The following DAB1 variants were observed in gnomAD, a reference collection of about 807,000 sequenced individuals.
DAB1 encodes DAB adaptor protein 1.
DAB1 carries 15 observed loss-of-function variants against 64.6 expected under a neutral mutation model. The ratio of observed to expected loss-of-function variants is 0.23; its 90% CI spans 0.16 to 0.36. The LOEUF is 0.36. Among genes scored for constraint, DAB1 ranks in the 10% least tolerant of loss-of-function variants. The pLI, the probability that DAB1 is intolerant of heterozygous loss-of-function variation, is 1.00. For missense variants in DAB1, 596 were observed against 706.7 expected (o/e 0.84, Z 1.78); for synonymous variants, 235 against 251.9 (o/e 0.93, Z 0.64).
intron 1 of DAB1, among the ~76,000 whole-genome samples, chr1:57,325,640 C>G (rs185677586): frequency 6.6e-6 from 1 of 152,138 alleles, no homozygotes; most frequent in Non-Finnish European, 1.5e-5. Context: ...CAGACTGTGT[C>G]TTTTTTATCA....
intron 7 of DAB1, among the ~76,000 whole-genome samples, chr1:57,482,477 T>TAAG (rs1491539780): frequency 1.6e-5 from 1 of 61,200 alleles, no homozygotes; most frequent in African/African-American, 5.4e-5. Context: ...CTGAAAGTTG[T>TAAG]AAAAAAAAAA....
intron 2 of DAB1, among the ~76,000 whole-genome samples, chr1:58,517,900 T>C (rs761115785): frequency 2.6e-4 from 40 of 151,444 alleles, no homozygotes; most frequent in Non-Finnish European, 4.3e-4. Context: ...AGAAAGTGAG[T>C]ATCAGGCCGG....
At chr1:57,116,544 T>C (rs1656151626) in intron 4 of DAB1, among the ~76,000 whole-genome samples, 1 of 151,440 alleles carries the variant, frequency 6.6e-6, no homozygotes, top group African/African-American at 2.4e-5. Flanking sequence ...AAACTGTATC[T>C]ATATCTAGCC....
chr1:57,928,756 T>G (rs919454449), intron 5 of DAB1, among the ~76,000 whole-genome samples: 4 of 152,240 alleles, frequency 2.6e-5, no homozygotes, highest in African/African-American at 9.6e-5. Context: ...CATTTAAGTT[T>G]CCTCCATATC....
At chr1:58,490,120 T>C (rs927254064) in intron 3 of DAB1, among the ~76,000 whole-genome samples, 3 of 152,150 alleles carry the variant, frequency 2.0e-5, no homozygotes, top group Non-Finnish European at 4.4e-5. Flanking sequence ...GAGAGAAGAA[T>C]GCTTCAGACG....
chr1:57,906,379 T>C (rs113261845), intron 5 of DAB1, among the ~76,000 whole-genome samples: 3,462 of 152,156 alleles, frequency 0.023, 109 homozygotes, highest in African/African-American at 0.073. Context: ...CACTGGCAGG[T>C]GAAGTAACTT....
intron 5 of DAB1, among the ~76,000 whole-genome samples, chr1:57,938,533 C>G (rs1261263463): frequency 6.6e-6 from 1 of 152,128 alleles, no homozygotes; most frequent in Middle Eastern, 3.2e-3. Flanking sequence ...CTTGTTCGCT[C>G]TCTCTCACCT....
intron 1 of DAB1, among the ~76,000 whole-genome samples, chr1:57,844,891 C>T (rs183664696): frequency 3.3e-5 from 5 of 152,298 alleles, no homozygotes; most frequent in Admixed American, 1.3e-4. Flanking sequence ...CCTCCACCCC[C>T]GCCAGCTCCT....
chr1:57,369,092 C>T (rs1680290728), intron 1 of DAB1, among the ~76,000 whole-genome samples: 1 of 152,184 alleles, frequency 6.6e-6, no homozygotes, highest in Non-Finnish European at 1.5e-5. Context: ...TTCATGGTTA[C>T]AGCTTGAATG....
intron 6 of DAB1, among the ~76,000 whole-genome samples, chr1:57,773,047 A>G (rs561227023): frequency 6.6e-6 from 1 of 152,180 alleles, no homozygotes; most frequent in East Asian, 1.9e-4. Context: ...GCCAGCAACC[A>G]CAAGAAGCTA....
intron 2 of DAB1, among the ~76,000 whole-genome samples, chr1:57,269,964 G>A (rs1031548616): frequency 3.3e-5 from 5 of 152,222 alleles, no homozygotes; most frequent in Non-Finnish European, 5.9e-5. Flanking sequence ...TCGATCTACT[G>A]AAAAGAACAG....
intron 4 of DAB1, among the ~76,000 whole-genome samples, chr1:58,217,693 C>G (rs1319747894): frequency 6.6e-6 from 1 of 152,172 alleles, no homozygotes; most frequent in Non-Finnish European, 1.5e-5. Flanking sequence ...AACTAAGATA[C>G]AGGCCACACA....
intron 2 of DAB1, among the ~76,000 whole-genome samples, chr1:57,193,977 T>C (rs1664398694): frequency 1.3e-5 from 2 of 152,200 alleles, no homozygotes; most frequent in Admixed American, 1.3e-4. Flanking sequence ...TATCCTGTGA[T>C]AGGAAGGACT....
At chr1:57,282,723 C>A (rs1391295207) in intron 2 of DAB1, among the ~76,000 whole-genome samples, 1 of 152,156 alleles carries the variant, frequency 6.6e-6, no homozygotes, top group Non-Finnish European at 1.5e-5. Flanking sequence ...TACTCTCTGC[C>A]TCCAAACCCT....
intron 6 of DAB1, among the ~76,000 whole-genome samples, chr1:57,684,398 A>G (rs1646670737): frequency 6.6e-6 from 1 of 152,200 alleles, no homozygotes; most frequent in South Asian, 2.1e-4. Flanking sequence ...TCATATACAA[A>G]GGGAACTCTA....
intron 2 of DAB1, among the ~76,000 whole-genome samples, chr1:57,169,730 C>T (rs1360324597): frequency 6.6e-6 from 1 of 152,176 alleles, no homozygotes; most frequent in Non-Finnish European, 1.5e-5. Context: ...TATCTGGCTT[C>T]CCTGGCCTGT....
At chr1:57,675,988 C>A (rs1646562130) in intron 6 of DAB1, among the ~76,000 whole-genome samples, 1 of 152,134 alleles carries the variant, frequency 6.6e-6, no homozygotes, top group Admixed American at 6.5e-5. Context: ...ATGCTTTAGA[C>A]AATAATTCTG....
intron 4 of DAB1, among the ~76,000 whole-genome samples, chr1:58,282,098 A>G (rs1356426375): frequency 6.6e-6 from 1 of 152,138 alleles, no homozygotes; most frequent in Non-Finnish European, 1.5e-5. Context: ...TCCCCTCAGA[A>G]TCTTCATATG....
chr1:57,313,802 G>A (rs1041730561), intron 1 of DAB1, among the ~76,000 whole-genome samples: 2 of 152,124 alleles, frequency 1.3e-5, no homozygotes, highest in Admixed American at 1.3e-4. Context: ...CTAATCCCTA[G>A]GATGATGGAA....
Sources: gnomAD v4.1 joint callset for allele counts (sites outside exome capture counted in the v4.1 genomes callset) on GRCh38, gnomAD v4.1.1 for gene constraint, MANE v1.5 for transcripts, NCBI Gene and HGNC (gene_info 2026-07-23, HGNC 2026-07-21) for gene names.